Variants in ROBO2 observed in about 807,000 individuals in gnomAD.
ROBO2 encodes roundabout homolog 2.
A neutral mutation model predicts 160.8 loss-of-function variants in ROBO2; 53 were observed. The ratio of observed to expected loss-of-function variants is 0.33; its 90% CI spans 0.26 to 0.41. ROBO2 has a LOEUF of 0.41. ROBO2 is among the 10% of genes least tolerant of loss of function. The pLI, the probability that ROBO2 is intolerant of heterozygous loss-of-function variation, is 1.00. For synonymous variants in ROBO2, 664 were observed against 611.7 expected, an observed-to-expected ratio of 1.09 and a Z score of -1.26; for missense variants, 1,577 against 1,722.4, an observed-to-expected ratio of 0.92 and a Z score of 1.49.
chr3:76,029,076 C>T (rs1489849290), intron 2 of ROBO2, among the ~76,000 whole-genome samples: 1 of 151,896 alleles, frequency 6.6e-6, no homozygotes, highest in Admixed American at 6.6e-5. Flanking sequence ...AAAAAAAGAA[C>T]ATATTATTCT....
chr3:76,048,826 C>T (rs1294027467), intron 2 of ROBO2, among the ~76,000 whole-genome samples: 2 of 152,004 alleles, frequency 1.3e-5, no homozygotes, highest in East Asian at 3.9e-4. Flanking sequence ...AGCATGTTTA[C>T]AAATAGAATA....
chr3:77,542,557 CA>C (rs1310173302), intron 6 of ROBO2, among the ~76,000 whole-genome samples: 3 of 152,082 alleles, frequency 2.0e-5, no homozygotes, highest in Non-Finnish European at 4.4e-5. Flanking sequence ...GGATAAATAA[CA>C]GATGCTGACA....
intron 2 of ROBO2, among the ~76,000 whole-genome samples, chr3:77,410,847 A>C (rs1429721491): frequency 1.4e-5 from 2 of 140,480 alleles, no homozygotes; most frequent in Non-Finnish European, 1.5e-5. Flanking sequence ...CTGTCATCCC[A>C]GGCTGGAGTG....
At chr3:75,913,621 T>C (rs1476066903) in intron 1 of ROBO2, among the ~76,000 whole-genome samples, 1 of 152,202 alleles carries the variant, frequency 6.6e-6, no homozygotes, top group Non-Finnish European at 1.5e-5. Flanking sequence ...TAAGTAAAAG[T>C]ATTTGCACTG....
chr3:77,099,041 T>C (rs1033892357), intron 2 of ROBO2, among the ~76,000 whole-genome samples: 1 of 151,518 alleles, frequency 6.6e-6, no homozygotes, highest in Non-Finnish European at 1.5e-5. Context: ...GTCTTTCTTT[T>C]GGTAAACAAA....
chr3:76,200,234 G>C (rs1217585441), intron 2 of ROBO2, among the ~76,000 whole-genome samples: 8 of 152,102 alleles, frequency 5.3e-5, no homozygotes, highest in Non-Finnish European at 1.2e-4. Flanking sequence ...AGGGGCTTGG[G>C]TCTGGGGAAG....
chr3:77,223,246 T>G (rs574804949), intron 2 of ROBO2, among the ~76,000 whole-genome samples: 1 of 152,266 alleles, frequency 6.6e-6, no homozygotes, highest in Non-Finnish European at 1.5e-5. Context: ...GAAAGGAGTT[T>G]AAGAATATCT....
intron 2 of ROBO2, among the ~76,000 whole-genome samples, chr3:76,285,561 A>G (rs1369535050): frequency 6.6e-6 from 1 of 152,086 alleles, no homozygotes; most frequent in Non-Finnish European, 1.5e-5. Flanking sequence ...GAAGCAGGCC[A>G]TGTTCATATT....
intron 2 of ROBO2, among the ~76,000 whole-genome samples, chr3:76,526,301 T>C (rs2081942952): frequency 6.6e-6 from 1 of 152,052 alleles, no homozygotes; most frequent in African/African-American, 2.4e-5. Flanking sequence ...GAGTAGGTTT[T>C]GTTTTCTTTT....
At chr3:76,303,520 A>G (rs1426791801) in intron 2 of ROBO2, among the ~76,000 whole-genome samples, 1 of 152,142 alleles carries the variant, frequency 6.6e-6, no homozygotes, top group East Asian at 1.9e-4. Flanking sequence ...TCCTACACAC[A>G]ACTTGTTGAA....
At chr3:76,029,727 G>A (rs113235749) in intron 2 of ROBO2, among the ~76,000 whole-genome samples, 8,805 of 152,144 alleles carry the variant, frequency 0.058, 803 homozygotes, top group African/African-American at 0.19. Flanking sequence ...AGTATTCCAT[G>A]GTGTATATGT....
chr3:77,604,075 T>G (rs1429701043), intron 20 of ROBO2: 2 of 152,208 alleles, frequency 1.3e-5, no homozygotes, highest in Non-Finnish European at 2.9e-5. Context: ...CCTCAGGAGA[T>G]GGAACCCTTT....
Position 77,389,119 on chromosome 3 carries a change from T to A in ROBO2, c.389-88295T>A, listed in dbSNP as rs139433760. 2.9e-3 allele frequency among the ~76,000 whole-genome samples: 447 copies of A among 152,236 alleles called. 2 individuals carry two copies. The highest frequency in any genetic ancestry group is 0.01 in the Middle Eastern group (3 of 294). Reference sequence around the variant, plus strand: ...GCCACCATGCCTGGTTAATTTTGTGTTTTTAGTAGAGACAGGGTTTTACCA... The same window carrying A: ...GCCACCATGCCTGGTTAATTTTGTGATTTTAGTAGAGACAGGGTTTTACCA... On this transcript the variant is annotated intron_variant, in intron 2 of 25. Coordinates refer to ENST00000461745, the Ensembl canonical transcript of ROBO2.
intron 2 of ROBO2, among the ~76,000 whole-genome samples, chr3:76,347,718 C>T (rs1042535893): frequency 6.6e-6 from 1 of 151,830 alleles, no homozygotes; most frequent in African/African-American, 2.4e-5. Context: ...TGTGTAATTA[C>T]AACCAAGCAC....
intron 2 of ROBO2, among the ~76,000 whole-genome samples, chr3:77,116,910 A>G (rs930153491): frequency 1.3e-5 from 2 of 152,246 alleles, no homozygotes; most frequent in Non-Finnish European, 2.9e-5. Context: ...ATCTGGCCTC[A>G]GTGTAGTCCA....
At chr3:77,267,847 A>G (rs2059237763) in intron 2 of ROBO2, among the ~76,000 whole-genome samples, 1 of 152,106 alleles carries the variant, frequency 6.6e-6, no homozygotes, top group African/African-American at 2.4e-5. Context: ...TCCTTATTCA[A>G]TCACCACATA....
intron 2 of ROBO2, among the ~76,000 whole-genome samples, chr3:76,398,256 A>C (rs2108728393): frequency 6.7e-6 from 1 of 148,746 alleles, no homozygotes; most frequent in South Asian, 2.2e-4. Flanking sequence ...GTTCTCACTC[A>C]TAGGTGGGAA....
chr3:77,471,531 A>G (rs1015904490), intron 2 of ROBO2, among the ~76,000 whole-genome samples: 1 of 152,212 alleles, frequency 6.6e-6, no homozygotes, highest in Non-Finnish European at 1.5e-5. Flanking sequence ...GGGCTTCTCC[A>G]TTCTGCAACA....
chr3:75,951,763 A>C (rs1359819755), intron 2 of ROBO2, among the ~76,000 whole-genome samples: 2 of 152,042 alleles, frequency 1.3e-5, no homozygotes, highest in Non-Finnish European at 2.9e-5. Flanking sequence ...TGGTGGAAAA[A>C]AAAATCCAGA....
Sources: gnomAD v4.1 joint callset for allele counts (sites outside exome capture counted in the v4.1 genomes callset) on GRCh38, gnomAD v4.1.1 for gene constraint, MANE v1.5 for transcripts, NCBI Gene and HGNC (gene_info 2026-07-23, HGNC 2026-07-21) for gene names.